Variants in OSTF1 observed in about 807,000 individuals in gnomAD.
OSTF1 encodes osteoclast stimulating factor 1, also known as osteoclast-stimulating factor 1.
OSTF1 carries 27 observed loss-of-function variants against 37.2 expected under a neutral mutation model. The ratio of observed to expected loss-of-function variants is 0.73; its 90% CI spans 0.54 to 1.00. The LOEUF (loss-of-function observed/expected upper bound fraction) is 1.00. Ranked by LOEUF, OSTF1 falls within the 50% of genes least tolerant of loss-of-function variation. The probability of loss-of-function intolerance (pLI) is 0.00; values close to 1 mark genes in which losing one functional copy is unlikely to be tolerated. For missense variants in OSTF1, 232 were observed against 253.8 expected (o/e 0.91, Z 0.58); for synonymous variants, 82 against 89.2 (o/e 0.92, Z 0.46).
chr9:75,142,564 T>C (rs1404281463), intron 9 of OSTF1, among the ~76,000 whole-genome samples: 1 of 152,134 alleles, frequency 6.6e-6, no homozygotes, highest in African/African-American at 2.4e-5. Flanking sequence ...CCCAGAAGCC[T>C]TACTCAGGAG....
At chr9:75,111,844 G>A (rs1381587339) in intron 1 of OSTF1, among the ~76,000 whole-genome samples, 1 of 80,870 alleles carries the variant, frequency 1.2e-5, no homozygotes, top group Non-Finnish European at 2.4e-5. Context: ...TTTTTTTTGA[G>A]GCGGAGTTTC....
intron 3 of OSTF1, among the ~76,000 whole-genome samples, chr9:75,130,087 T>G (rs1825739918): frequency 1.3e-5 from 2 of 152,126 alleles, no homozygotes; most frequent in South Asian, 2.1e-4. Flanking sequence ...AATAAATGAT[T>G]TGTGCAGTTG....
intron 1 of OSTF1, among the ~76,000 whole-genome samples, chr9:75,099,108 T>C (rs191431551): frequency 7.6e-4 from 115 of 152,184 alleles, no homozygotes; most frequent in South Asian, 2.5e-3. Flanking sequence ...AGCTACTTTT[T>C]TGTATTTATA....
intron 1 of OSTF1, among the ~76,000 whole-genome samples, chr9:75,104,335 A>G (rs1011793187): frequency 1.2e-4 from 19 of 152,144 alleles, no homozygotes; most frequent in African/African-American, 4.6e-4. Flanking sequence ...GCTTGAAGCT[A>G]GGAGCTCAAG....
chr9:75,088,529 T>C lies in OSTF1; in HGVS notation c.-164T>C. On this transcript the variant is annotated 5_prime_UTR_variant, in exon 1 of 10. Transcript: ENST00000346234. The stretch of plus-strand genomic sequence containing the variant: ...GGGGCGGAGCACTCGGCGGAGCCGC[T>C]CTGCCTGCGTCCGCTCTTCCCGCAG... 1 of 734,524 alleles carries C rather than the reference T, an allele frequency of 1.4e-6. No homozygotes were observed. Among genetic ancestry groups the C allele is most frequent in the Non-Finnish European group, 2.3e-6 (1 of 440,532 alleles). 45.5% of individuals were successfully genotyped at this position (734,524 alleles called of 1,614,324 possible). A position where few individuals can be genotyped will look rare whatever the true frequency, so the allele number is the denominator to read the frequency against.
At chr9:75,118,030 C>G (rs1825520054) in intron 2 of OSTF1, among the ~76,000 whole-genome samples, 1 of 152,150 alleles carries the variant, frequency 6.6e-6, no homozygotes, top group South Asian at 2.1e-4. Context: ...CTATTATATG[C>G]CAGACACTGG....
At chr9:75,135,753 G>C (rs1825831723) in intron 7 of OSTF1, among the ~76,000 whole-genome samples, 1 of 152,208 alleles carries the variant, frequency 6.6e-6, no homozygotes, top group Non-Finnish European at 1.5e-5. Flanking sequence ...TGGAAATCAA[G>C]GGATTGGCTG....
intron 1 of OSTF1, among the ~76,000 whole-genome samples, chr9:75,089,679 C>T (rs1168940561): frequency 1.3e-5 from 2 of 152,122 alleles, no homozygotes; most frequent in Non-Finnish European, 2.9e-5. Flanking sequence ...ATAAATGGCT[C>T]CGATGTATTC....
chr9:75,117,653 C>G, intron 2 of OSTF1, 103 bp downstream of exon 2: 1 of 839,352 alleles, frequency 1.2e-6, no homozygotes, highest in Non-Finnish European at 2.0e-6. Flanking sequence ...CTTTGATAGA[C>G]CTAGGTAATT....
chr9:75,089,224 G>C (rs1824889987), intron 1 of OSTF1, among the ~76,000 whole-genome samples: 3 of 151,580 alleles, frequency 2.0e-5, no homozygotes, highest in African/African-American at 4.9e-5. Context: ...GTGGAGCAGC[G>C]TTTGAAATTG....
intron 1 of OSTF1, among the ~76,000 whole-genome samples, chr9:75,106,934 CAG>C (rs1825295649): frequency 7.5e-6 from 1 of 133,128 alleles, no homozygotes; most frequent in Non-Finnish European, 1.5e-5. Context: ...AGCATTGCGA[CAG>C]AGCAAGACTC....
At chr9:75,123,981 C>T (rs1157462455) in intron 2 of OSTF1, among the ~76,000 whole-genome samples, 1 of 152,184 alleles carries the variant, frequency 6.6e-6, no homozygotes, top group Non-Finnish European at 1.5e-5. Flanking sequence ...AAGCGACTGG[C>T]ACTTAGTGGT....
At chr9:75,098,175 T>G (rs1472063400) in intron 1 of OSTF1, among the ~76,000 whole-genome samples, 1 of 152,182 alleles carries the variant, frequency 6.6e-6, no homozygotes, top group African/African-American at 2.4e-5. Context: ...TCGTGCTCCT[T>G]CTCCTAGACT....
chr9:75,140,436 C>T (rs1399034076), intron 8 of OSTF1, among the ~76,000 whole-genome samples: 1 of 152,158 alleles, frequency 6.6e-6, no homozygotes, highest in African/African-American at 2.4e-5. Context: ...TGTTAATTTG[C>T]ATGAGAGCAG....
At chr9:75,134,879 GTACT>G (rs1385466871) in intron 7 of OSTF1, among the ~76,000 whole-genome samples, 2 of 151,762 alleles carry the variant, frequency 1.3e-5, no homozygotes, top group Non-Finnish European at 2.9e-5. Flanking sequence ...TTTTGTTTCT[GTACT>G]TACTTTTTAA....
intron 6 of OSTF1, 152 bp downstream of exon 6, chr9:75,133,553 C>G: frequency 1.7e-6 from 1 of 577,986 alleles, no homozygotes; most frequent in Non-Finnish European, 3.1e-6. Flanking sequence ...CCTGGAAGCT[C>G]TGTAGAACAG....
intron 1 of OSTF1, among the ~76,000 whole-genome samples, chr9:75,097,751 C>T (rs1825112746): frequency 7.7e-6 from 1 of 129,666 alleles, no homozygotes; most frequent in South Asian, 2.5e-4. Context: ...TCGTGCCGTC[C>T]CCTCTTTTTT....
At chr9:75,097,228 A>C (rs894672513) in intron 1 of OSTF1, among the ~76,000 whole-genome samples, 7 of 152,202 alleles carry the variant, frequency 4.6e-5, no homozygotes, top group Non-Finnish European at 1.0e-4. Context: ...TCATCCAAGC[A>C]ACTGCTCACT....
At chr9:75,130,124 C>T (rs1298255314) in intron 3 of OSTF1, among the ~76,000 whole-genome samples, 2 of 152,048 alleles carry the variant, frequency 1.3e-5, no homozygotes, top group African/African-American at 4.8e-5. Flanking sequence ...ATGGTCATTA[C>T]ATTGTTCTTT....
Sources: allele counts gnomAD v4.1 joint callset (sites outside exome capture counted in the v4.1 genomes callset), GRCh38; gene constraint gnomAD v4.1.1; transcripts MANE v1.5; gene names NCBI Gene and HGNC (gene_info 2026-07-23, HGNC 2026-07-21).